GTF3C4: variants seen among roughly 807,000 people sequenced by gnomAD.
GTF3C4 encodes general transcription factor IIIC subunit 4.
Under a neutral mutation model 67.5 loss-of-function variants are expected in GTF3C4, and 28 were observed. That is an observed-to-expected ratio of 0.41 (90% CI 0.31 to 0.57). The LOEUF (loss-of-function observed/expected upper bound fraction) is 0.57. GTF3C4 is among the 20% of genes least tolerant of loss of function. GTF3C4 has a pLI of 0.21. For synonymous variants in GTF3C4, 409 were observed against 393.0 expected (o/e 1.04, Z -0.48); for missense variants, 831 against 1,033.2 (o/e 0.80, Z 2.68).
Position 132,679,022 on chromosome 9 carries a change from T to C in GTF3C4, c.1403T>C (p.Leu468Pro). ...ALKFEHQLIKLSDVFGSVRTH... is the reference protein window; with the variant it reads ...ALKFEHQLIKPSDVFGSVRTH... ...AAGTTTGAACACCAGTTGATTAAAC[T>C]CTCAGATGTGTTTGGCTCAGTGAGG... The change falls in exon 2 of 5, where the codon CTC (leucine) becomes CCC (proline). Residue 468 changes from leucine (L) to proline (P), a missense_variant. Transcript: ENST00000372146. This position sits in a 1 kb window ranked among gnomAD's most constrained non-coding sequence, Gnocchi z 5.9. 1.9e-6 allele frequency: 3 copies of C among 1,614,178 alleles called. No individual in the cohort carries two copies. Among genetic ancestry groups the C allele is most frequent in the Non-Finnish European group, 2.5e-6 (3 of 1,180,016 alleles).
At chr9:132,674,040 T>A (rs2130893822) in intron 1 of GTF3C4, among the ~76,000 whole-genome samples, 1 of 152,374 alleles carries the variant, frequency 6.6e-6, no homozygotes, top group East Asian at 1.9e-4. Context: ...TAACTTCATC[T>A]GCTACATTAA....
chr9:132,677,964 C>A lies in GTF3C4; in HGVS notation c.358-13C>A. 1 of 1,570,702 alleles carries A rather than the reference C, an allele frequency of 6.4e-7. No homozygotes were observed. Among genetic ancestry groups the A allele is most frequent in the Non-Finnish European group, 8.6e-7 (1 of 1,161,496 alleles). ...AATGCTCATCTGATAGTTTTTATATCTCTTATTTTCAGGTTGGCTCAAAAA... is the reference window on the plus strand; with the variant it reads ...AATGCTCATCTGATAGTTTTTATATATCTTATTTTCAGGTTGGCTCAAAAA... On this transcript the variant is annotated splice_polypyrimidine_tract_variant and intron_variant, in intron 1 of 4. Transcript: ENST00000372146.
intron 3 of GTF3C4, among the ~76,000 whole-genome samples, chr9:132,686,522 T>G (rs551107869): frequency 6.6e-6 from 1 of 152,178 alleles, no homozygotes; most frequent in Non-Finnish European, 1.5e-5. Flanking sequence ...TTGGGAAACC[T>G]TCCCTGCAAC....
chr9:132,688,497 A>G (rs1056459611), intron 4 of GTF3C4, among the ~76,000 whole-genome samples: 2 of 152,214 alleles, frequency 1.3e-5, no homozygotes, highest in Non-Finnish European at 1.5e-5. Context: ...TTATTTCTCA[A>G]GGGCATAGCA....
intron 1 of GTF3C4, among the ~76,000 whole-genome samples, 194 bp downstream of exon 1, chr9:132,671,149 C>G (rs1011954162): frequency 6.6e-6 from 1 of 152,160 alleles, no homozygotes; most frequent in Non-Finnish European, 1.5e-5. Context: ...GCTGTCTGCA[C>G]CCTGTTTCCC....
In GTF3C4 at chr9:132,670,588, C is replaced by G; in HGVS notation, c.-11C>G. ...AGCGCCAGGGCGTCCGACCTCTGCA[C>G]CTGAGAGAAGATGAACACGGCCGAC... is the stretch of plus-strand genomic sequence containing the variant. On this transcript the variant is annotated 5_prime_UTR_variant, in exon 1 of 5. Transcript: ENST00000372146. The G allele has an allele frequency of 6.9e-7, 1 of 1,440,678 alleles. No individual in the cohort carries two copies. The highest frequency in any genetic ancestry group is 9.0e-7 in the Non-Finnish European group (1 of 1,105,244). The allele number at this position is 1,440,678 out of a possible 1,614,324, so 89.2% of individuals were successfully genotyped here.
intron 2 of GTF3C4, among the ~76,000 whole-genome samples, chr9:132,682,347 G>A (rs1465593932): frequency 6.6e-6 from 1 of 152,106 alleles, no homozygotes; most frequent in Non-Finnish European, 1.5e-5. Context: ...TTCTGAGCTA[G>A]TAAGACACCC....
chr9:132,691,812 T>C lies in GTF3C4; in HGVS notation c.*2867T>C, dbSNP rs1267411486. The C allele has an allele frequency of 6.6e-6, 1 of 152,214 alleles. No individual in the cohort carries two copies. The highest frequency in any genetic ancestry group is 1.5e-5 in the Non-Finnish European group (1 of 68,036). 9.4% of individuals were successfully genotyped at this position (152,214 alleles called of 1,614,324 possible). ...GTTGAATATGACATTTTTCTGCTTT[T>C]CCCTCTAAGAAGTTTTTGAGAATGT... On this transcript the variant is annotated 3_prime_UTR_variant, in exon 5 of 5. Coordinates refer to ENST00000372146, the MANE Select transcript of GTF3C4 (RefSeq NM_012204.4).
At position 132,687,955 on chromosome 9, in the gene GTF3C4, T is replaced by C. The variant is rs374327731; in HGVS notation, c.2404+628T>C. Among the ~76,000 whole-genome samples, 41 of 152,350 alleles carry C rather than the reference T, an allele frequency of 2.7e-4. No individual in the cohort carries two copies. In the East Asian group the frequency reaches 5.6e-3, roughly 21 times the overall value. ...TAGGTACAGAATATACAATTTTATATGTATTTTGAGGGGAATATTCTATTC... is the reference window on the plus strand; with the variant it reads ...TAGGTACAGAATATACAATTTTATACGTATTTTGAGGGGAATATTCTATTC... On this transcript the variant is annotated intron_variant, in intron 4 of 4. Coordinates refer to ENST00000372146, the MANE Select transcript of GTF3C4 (RefSeq NM_012204.4).
chr9:132,687,033 G>A (rs913330678), intron 3 of GTF3C4, among the ~76,000 whole-genome samples: 11 of 152,192 alleles, frequency 7.2e-5, no homozygotes, highest in African/African-American at 1.4e-4. Context: ...GATTAGAACC[G>A]TTGTGTCTCT....
chr9:132,673,935 C>T (rs1181437739), intron 1 of GTF3C4, among the ~76,000 whole-genome samples: 1 of 152,180 alleles, frequency 6.6e-6, no homozygotes, highest in Non-Finnish European at 1.5e-5. Context: ...TTTAGTGACT[C>T]ATCTAGTGAG....
rs1836108819 is a variant in GTF3C4 at position 132,691,084 on chromosome 9, A to G, written c.*2139A>G. On this transcript the variant is annotated 3_prime_UTR_variant, in exon 5 of 5. Coordinates refer to ENST00000372146, the MANE Select transcript of GTF3C4 (RefSeq NM_012204.4). ...GGACTCACTGCAGGGACTGGACCCA[A>G]TGGCATTGTTAAGACCCTAAAATCT... 1 of 152,172 alleles carries G rather than the reference A, an allele frequency of 6.6e-6. No individual in the cohort carries two copies. The allele number at this position is 152,172 out of a possible 1,614,324, so 9.4% of individuals were successfully genotyped here.
chr9:132,682,826 A>T (rs1032791605), intron 2 of GTF3C4, among the ~76,000 whole-genome samples: 1 of 151,794 alleles, frequency 6.6e-6, no homozygotes, highest in East Asian at 1.9e-4. Context: ...CTGGTCTCGA[A>T]CTCCTGACCT....
chr9:132,675,888 A>G (rs1035024875), intron 1 of GTF3C4, among the ~76,000 whole-genome samples: 5 of 134,196 alleles, frequency 3.7e-5, no homozygotes, highest in African/African-American at 5.6e-5. Context: ...AGACTATTCC[A>G]GTTACCCTTT....
chr9:132,682,768 C>A (rs1439604583), intron 2 of GTF3C4, among the ~76,000 whole-genome samples: 1 of 151,870 alleles, frequency 6.6e-6, no homozygotes, highest in Non-Finnish European at 1.5e-5. Flanking sequence ...CCGTGCCTGG[C>A]TACTTTTTGT....
chr9:132,683,486 C>T, intron 2 of GTF3C4, 77 bp from the exon 3 acceptor site: 15 of 1,258,384 alleles, frequency 1.2e-5, no homozygotes, highest in Non-Finnish European at 1.6e-5. Context: ...TTTTAATTTT[C>T]CCTTTGTGTT....
chr9:132,670,721 G>C lies in GTF3C4; in HGVS notation c.123G>C (p.Pro41=), dbSNP rs772224377. 1.3e-6 allele frequency: 2 copies of C among 1,528,574 alleles called. No homozygotes were observed. Among genetic ancestry groups the C allele is most frequent in the South Asian group, 1.2e-5 (1 of 83,656 alleles). 94.7% of individuals were successfully genotyped at this position (1,528,574 alleles called of 1,614,324 possible). Residue 41 remains proline (P), a synonymous_variant, in exon 1 of 5, where the codon CCG becomes CCC. Transcript: ENST00000372146. ...AGGAGCCAGCAGCGGACGCGGCCCC[G>C]GGGCCCAGCGCTGCATTCCGCCTCA... The part of the protein sequence containing the change: ...GGKEPAADAA[P]GPSAAFRLMV...
At chr9:132,677,748 A>G (rs954179542) in intron 1 of GTF3C4, among the ~76,000 whole-genome samples, 2 of 152,274 alleles carry the variant, frequency 1.3e-5, no homozygotes, top group Non-Finnish European at 2.9e-5. Context: ...TCAAAGATAT[A>G]TATAGATACA....
At chr9:132,680,243 CATATAAA>C (rs1192158365) in intron 2 of GTF3C4, among the ~76,000 whole-genome samples, 1 of 152,170 alleles carries the variant, frequency 6.6e-6, no homozygotes, top group African/African-American at 2.4e-5. Flanking sequence ...TCAAGAAAGA[CATATAAA>C]GTAAACAAAT....
Sources: allele counts gnomAD v4.1 joint callset (sites outside exome capture counted in the v4.1 genomes callset), GRCh38; gene constraint gnomAD v4.1.1; non-coding constraint Gnocchi (gnomAD v3.1); transcripts MANE v1.5; gene names NCBI Gene and HGNC (gene_info 2026-07-23, HGNC 2026-07-21).